The following RIMS2 variants were observed in gnomAD, a reference collection of about 807,000 sequenced individuals.
RIMS2 encodes the protein regulating synaptic membrane exocytosis protein 2.
RIMS2 carries 59 observed loss-of-function variants against 174.4 expected under a neutral mutation model. The observed-to-expected ratio is 0.34, with a 90% CI of 0.27 to 0.42. The LOEUF is 0.42. RIMS2 is among the 10% of genes least tolerant of loss of function. The pLI, the probability that RIMS2 is intolerant of heterozygous loss-of-function variation, is 1.00. For missense variants in RIMS2, 1,620 were observed against 1,666.3 expected, an observed-to-expected ratio of 0.97 and a Z score of 0.48; for synonymous variants, 606 against 572.5, an observed-to-expected ratio of 1.06 and a Z score of -0.84.
At chr8:104,086,266 G>GTTTTT in intron 19 of RIMS2, among the ~76,000 whole-genome samples, 1 of 112,918 alleles carries the variant, frequency 8.9e-6, no homozygotes. Flanking sequence ...GTTCTGGTGG[G>GTTTTT]TTTTTTTTTT....
intron 1 of RIMS2, among the ~76,000 whole-genome samples, chr8:103,588,808 A>G (rs937226134): frequency 3.3e-5 from 5 of 152,044 alleles, no homozygotes; most frequent in African/African-American, 1.2e-4. Context: ...TGAAACTACC[A>G]CAAGAAAACA....
intron 17 of RIMS2, among the ~76,000 whole-genome samples, chr8:104,009,289 G>C (rs2154553294): frequency 6.7e-6 from 1 of 150,146 alleles, no homozygotes; most frequent in South Asian, 2.1e-4. Flanking sequence ...TGTTTCTGCT[G>C]GTTTTTTTTT....
At chr8:103,813,596 C>T (rs912365880) in intron 3 of RIMS2, among the ~76,000 whole-genome samples, 1 of 152,112 alleles carries the variant, frequency 6.6e-6, no homozygotes, top group Non-Finnish European at 1.5e-5. Context: ...GTTCCCCCAC[C>T]CTGTGTCCAA....
At chr8:103,851,681 AC>A (rs2098999090) in intron 3 of RIMS2, among the ~76,000 whole-genome samples, 5 of 151,270 alleles carry the variant, frequency 3.3e-5, no homozygotes, top group Admixed American at 2.0e-4. Flanking sequence ...ACACACACAC[AC>A]ACACACACAC....
At chr8:104,200,488 A>G (rs1476343581) in intron 19 of RIMS2, among the ~76,000 whole-genome samples, 1 of 152,238 alleles carries the variant, frequency 6.6e-6, no homozygotes, top group Admixed American at 6.5e-5. Flanking sequence ...GAAGGAATCC[A>G]AACACAAAGT....
intron 3 of RIMS2, among the ~76,000 whole-genome samples, chr8:103,884,872 C>G (rs1382096064): frequency 6.6e-6 from 1 of 151,824 alleles, no homozygotes; most frequent in African/African-American, 2.4e-5. Context: ...TGAGCCAAAT[C>G]AGTTTGGCTT....
At chr8:104,135,434 A>C (rs1425212306) in intron 19 of RIMS2, among the ~76,000 whole-genome samples, 1 of 151,870 alleles carries the variant, frequency 6.6e-6, no homozygotes, top group Non-Finnish European at 1.5e-5. Context: ...CTTGATCTCT[A>C]CAAAAAGGAG....
intron 2 of RIMS2, among the ~76,000 whole-genome samples, chr8:103,744,583 C>T (rs572027867): frequency 7.0e-4 from 107 of 152,266 alleles, no homozygotes; most frequent in African/African-American, 2.5e-3. Context: ...ATGTACCCTA[C>T]TCATATGCCT....
chr8:104,148,972 A>G (rs1382746357), intron 19 of RIMS2, 124 bp downstream of exon 25: 7 of 953,382 alleles, frequency 7.3e-6, no homozygotes. Flanking sequence ...GGGAAAGGGC[A>G]TTTTAAACTA....
chr8:104,107,405 T>G (rs891190886), intron 19 of RIMS2, among the ~76,000 whole-genome samples: 5 of 152,220 alleles, frequency 3.3e-5, no homozygotes, highest in Non-Finnish European at 7.3e-5. Flanking sequence ...TCTATCATGG[T>G]TGATTAGTTG....
At chr8:104,014,366 G>T in intron 18 of RIMS2, 140 bp from the exon 21 acceptor site, 1 of 522,868 alleles carries the variant, frequency 1.9e-6, no homozygotes. Flanking sequence ...TCCATATTTT[G>T]TCCAGTTTTC....
chr8:103,836,970 T>C (rs930693382), intron 3 of RIMS2, among the ~76,000 whole-genome samples: 5 of 152,244 alleles, frequency 3.3e-5, no homozygotes, highest in Non-Finnish European at 5.9e-5. Flanking sequence ...TTCACCTGCA[T>C]GAGCATATGA....
chr8:103,971,113 CTA>C (rs1313471782), intron 15 of RIMS2, among the ~76,000 whole-genome samples: 1 of 152,014 alleles, frequency 6.6e-6, no homozygotes, highest in Non-Finnish European at 1.5e-5. Flanking sequence ...AATAAATAGA[CTA>C]TATATAGATA....
intron 12 of RIMS2, among the ~76,000 whole-genome samples, 187 bp downstream of exon 14, chr8:103,931,580 G>A (rs568139294): frequency 6.6e-5 from 10 of 152,012 alleles, no homozygotes; most frequent in Middle Eastern, 3.4e-3. Flanking sequence ...CTCACATGTC[G>A]TATATGTGAT....
intron 3 of RIMS2, among the ~76,000 whole-genome samples, chr8:103,785,504 T>C (rs1465075494): frequency 2.6e-5 from 4 of 152,056 alleles, no homozygotes; most frequent in East Asian, 1.9e-4. Context: ...TGTCAAAGGC[T>C]TTTTCTGCAT....
intron 19 of RIMS2, among the ~76,000 whole-genome samples, chr8:104,106,315 T>G (rs2098064062): frequency 6.6e-6 from 1 of 152,124 alleles, no homozygotes; most frequent in Non-Finnish European, 1.5e-5. Context: ...CTTCTATTTA[T>G]TTGTATTTCT....
At chr8:103,712,830 C>A (rs1402338291) in intron 2 of RIMS2, among the ~76,000 whole-genome samples, 4 of 152,152 alleles carry the variant, frequency 2.6e-5, no homozygotes, top group South Asian at 2.1e-4. Context: ...TACCCAATTT[C>A]TTTTCAAGGA....
At chr8:103,884,725 C>T (rs1374888413) in intron 3 of RIMS2, among the ~76,000 whole-genome samples, 1 of 151,376 alleles carries the variant, frequency 6.6e-6, no homozygotes, top group Non-Finnish European at 1.5e-5. Flanking sequence ...CAAGTTAGAT[C>T]AATAAAAAAG....
chr8:104,178,052 A>G (rs1349068960), intron 19 of RIMS2, among the ~76,000 whole-genome samples: 1 of 152,164 alleles, frequency 6.6e-6, no homozygotes, highest in African/African-American at 2.4e-5. Flanking sequence ...GTAAAAAATT[A>G]CTACAAATGT....
Sources: allele counts gnomAD v4.1 joint callset (sites outside exome capture counted in the v4.1 genomes callset), GRCh38; gene constraint gnomAD v4.1.1; transcripts MANE v1.5; gene names NCBI Gene and HGNC (gene_info 2026-07-23, HGNC 2026-07-21).